Variants in ARHGAP24 observed in about 807,000 individuals in gnomAD.
ARHGAP24 encodes the protein rho GTPase-activating protein 24.
In ARHGAP24, 50 loss-of-function variants were observed where a neutral mutation model predicts 76.4. The ratio of observed to expected loss-of-function variants is 0.65; its 90% confidence interval spans 0.52 to 0.83. The LOEUF is 0.83. ARHGAP24 is among the 40% of genes least tolerant of loss of function. The pLI is 0.00. For synonymous variants in ARHGAP24, 345 were observed against 323.3 expected (o/e 1.07, Z -0.72); for missense variants, 930 against 914.2 (o/e 1.02, Z -0.22).
intron 3 of ARHGAP24, among the ~76,000 whole-genome samples, chr4:85,728,017 CA>C (rs796337057): frequency 1.7e-3 from 235 of 138,100 alleles, no homozygotes; most frequent in Non-Finnish European, 1.6e-3. Flanking sequence ...ATTAGGCCTT[CA>C]AAAAAAAAAA....
chr4:85,662,987 A>C (rs1186092522), intron 2 of ARHGAP24, among the ~76,000 whole-genome samples: 2 of 151,914 alleles, frequency 1.3e-5, no homozygotes, highest in African/African-American at 2.4e-5. Flanking sequence ...CTTAGGATTG[A>C]CTTGGTGATG....
intron 2 of ARHGAP24, among the ~76,000 whole-genome samples, chr4:85,661,234 T>TA (rs1722373540): frequency 7.0e-6 from 1 of 142,782 alleles, no homozygotes. Flanking sequence ...AATCAGCCGA[T>TA]AAAAAAAGTA....
At chr4:85,612,972 T>A (rs1720446577) in intron 2 of ARHGAP24, among the ~76,000 whole-genome samples, 1 of 151,758 alleles carries the variant, frequency 6.6e-6, no homozygotes, top group Non-Finnish European at 1.5e-5. Flanking sequence ...AATTTTTGTA[T>A]TTTTTTGTAG....
chr4:85,982,808 G>A (rs1006664024), intron 8 of ARHGAP24, among the ~76,000 whole-genome samples: 4 of 151,986 alleles, frequency 2.6e-5, no homozygotes, highest in African/African-American at 4.8e-5. Context: ...TACAGGATTT[G>A]CAGGTTTGTT....
rs1462018009 is a variant in ARHGAP24, at chr4:85,920,760, CAT to C, written c.269-2885_269-2884del. 3.3e-5 allele frequency among the ~76,000 whole-genome samples: 5 copies of C among 152,216 alleles called. No individual in the cohort carries two copies. In the South Asian group the frequency reaches 1.0e-3, roughly 32 times the overall value. On this transcript the variant is annotated intron_variant, in intron 3 of 9. Coordinates refer to ENST00000395184, the MANE Select transcript of ARHGAP24 (RefSeq NM_001025616.3). ...AGAAGACATACATGTGGCAAACAAT[CAT>C]ATGAAAAAAAGCTCAACATCATTGA...
At chr4:85,701,777 C>G (rs989874204) in intron 2 of ARHGAP24, among the ~76,000 whole-genome samples, 3 of 151,884 alleles carry the variant, frequency 2.0e-5, no homozygotes, top group Admixed American at 6.6e-5. Flanking sequence ...TTAGTGACAT[C>G]AAGATTCATA....
chr4:85,587,087 T>C (rs567502088), intron 2 of ARHGAP24, among the ~76,000 whole-genome samples: 2 of 152,280 alleles, frequency 1.3e-5, no homozygotes, highest in South Asian at 4.2e-4. Context: ...GAATTCTCTA[T>C]TGGAATTTTA....
chr4:85,888,423 G>T (rs1482713104), intron 3 of ARHGAP24, among the ~76,000 whole-genome samples: 3 of 138,848 alleles, frequency 2.2e-5, no homozygotes, highest in Non-Finnish European at 4.8e-5. Context: ...AAAAAAGAAA[G>T]AAAGAAAATT....
chr4:85,836,843 A>G (rs548202516), intron 3 of ARHGAP24, among the ~76,000 whole-genome samples: 24 of 152,326 alleles, frequency 1.6e-4, no homozygotes, highest in African/African-American at 5.3e-4. Flanking sequence ...GCAGAGTCTC[A>G]AGCCTCTTCT....
In ARHGAP24 at chr4:85,847,961, A is replaced by C. The variant is rs545546037; in HGVS notation, c.269-75687A>C. Among the ~76,000 whole-genome samples, 99 of 152,246 alleles carry C rather than the reference A, an allele frequency of 6.5e-4. No homozygotes were observed. The South Asian group carries it at 0.011, about 18-fold the overall frequency. ...TTTCAGTTGAAGAAAATCCATAATA[A>C]AGGAATCTAGGCATGTACTGTGCAG... On this transcript the variant is annotated intron_variant, in intron 3 of 9. Coordinates refer to ENST00000395184, the MANE Select transcript of ARHGAP24 (RefSeq NM_001025616.3).
intron 3 of ARHGAP24, among the ~76,000 whole-genome samples, chr4:85,729,597 C>T (rs1725316295): frequency 6.6e-6 from 1 of 152,100 alleles, no homozygotes; most frequent in South Asian, 2.1e-4. Context: ...TTGATCCAGT[C>T]ACCATCACTA....
intron 1 of ARHGAP24, among the ~76,000 whole-genome samples, chr4:85,565,727 A>T (rs1726814665): frequency 6.6e-6 from 1 of 152,144 alleles, no homozygotes; most frequent in South Asian, 2.1e-4. Flanking sequence ...CTGAACATGT[A>T]TAGTAAGGTA....
At chr4:85,527,887 C>A (rs1390092216) in intron 1 of ARHGAP24, among the ~76,000 whole-genome samples, 1 of 152,106 alleles carries the variant, frequency 6.6e-6, no homozygotes, top group Non-Finnish European at 1.5e-5. Context: ...TGATAACAAA[C>A]AATTAATTTC....
intron 2 of ARHGAP24, among the ~76,000 whole-genome samples, chr4:85,718,468 T>G (rs1191936602): frequency 2.0e-5 from 3 of 152,188 alleles, no homozygotes; most frequent in Admixed American, 2.0e-4. Flanking sequence ...ATTAGAGATT[T>G]TTGTTTGTTT....
intron 3 of ARHGAP24, among the ~76,000 whole-genome samples, chr4:85,748,431 G>A (rs138947169): frequency 6.6e-6 from 1 of 152,300 alleles, no homozygotes; most frequent in East Asian, 1.9e-4. Flanking sequence ...TGAAAGCAGT[G>A]ATACTGCTTT....
At chr4:85,839,103 A>G (rs1313615514) in intron 3 of ARHGAP24, among the ~76,000 whole-genome samples, 2 of 152,248 alleles carry the variant, frequency 1.3e-5, no homozygotes. Flanking sequence ...AACAATTACA[A>G]TGAACTAAAA....
chr4:85,691,523 C>T (rs947593929), intron 2 of ARHGAP24, among the ~76,000 whole-genome samples: 3 of 152,052 alleles, frequency 2.0e-5, no homozygotes, highest in African/African-American at 4.8e-5. Flanking sequence ...TCTTGGTGCC[C>T]CAATGTTGGG....
intron 4 of ARHGAP24, among the ~76,000 whole-genome samples, chr4:85,934,977 A>C (rs1370236534): frequency 6.6e-6 from 1 of 152,194 alleles, no homozygotes; most frequent in East Asian, 1.9e-4. Flanking sequence ...CAATAGGTCT[A>C]TTCAATCAGG....
intron 1 of ARHGAP24, among the ~76,000 whole-genome samples, chr4:85,551,931 T>C (rs1172922965): frequency 6.6e-6 from 1 of 152,180 alleles, no homozygotes; most frequent in Non-Finnish European, 1.5e-5. Flanking sequence ...ATTATTACGC[T>C]AGCTAATGGT....
Sources: gnomAD v4.1 joint callset for allele counts (sites outside exome capture counted in the v4.1 genomes callset) on GRCh38, gnomAD v4.1.1 for gene constraint, MANE v1.5 for transcripts, NCBI Gene and HGNC (gene_info 2026-07-23, HGNC 2026-07-21) for gene names.